The following ROBO1 variants were observed in gnomAD, a reference collection of about 807,000 sequenced individuals.
ROBO1 encodes the protein roundabout homolog 1.
In ROBO1, 149 loss-of-function variants were observed where a neutral mutation model predicts 195.9. The observed-to-expected ratio is 0.76, with a 90% CI of 0.67 to 0.87. ROBO1 has a LOEUF of 0.87. Among genes scored for constraint, ROBO1 ranks in the 40% least tolerant of loss-of-function variants. The pLI is 0.00. For synonymous variants in ROBO1, 816 were observed against 733.2 expected, an observed-to-expected ratio of 1.11 and a Z score of -1.82; for missense variants, 1,933 against 2,068.3, an observed-to-expected ratio of 0.93 and a Z score of 1.27.
chr3:78,967,967 C>T (rs2076683645), intron 3 of ROBO1, among the ~76,000 whole-genome samples: 1 of 152,140 alleles, frequency 6.6e-6, no homozygotes, highest in South Asian at 2.1e-4. Flanking sequence ...ACTTGCAAGT[C>T]ATTTTGAGAT....
chr3:78,739,198 T>A (rs944619471), intron 5 of ROBO1, among the ~76,000 whole-genome samples: 1 of 152,186 alleles, frequency 6.6e-6, no homozygotes, highest in Non-Finnish European at 1.5e-5. Flanking sequence ...AAGGTTATCA[T>A]GAAGAAAATA....
chr3:78,929,052 T>A (rs376757463), intron 4 of ROBO1, among the ~76,000 whole-genome samples: 6 of 152,224 alleles, frequency 3.9e-5, no homozygotes, highest in African/African-American at 1.4e-4. Flanking sequence ...GCTCCATAAT[T>A]TACTGGATAA....
chr3:79,190,460 A>G (rs971692352), intron 2 of ROBO1, among the ~76,000 whole-genome samples: 2 of 151,748 alleles, frequency 1.3e-5, no homozygotes, highest in Middle Eastern at 3.4e-3. Context: ...TATCTCTAAG[A>G]CTTTTTCACA....
intron 2 of ROBO1, among the ~76,000 whole-genome samples, chr3:79,526,206 G>A (rs1941426680): frequency 6.6e-6 from 1 of 152,148 alleles, no homozygotes; most frequent in Admixed American, 6.5e-5. Flanking sequence ...AAGAAATTAT[G>A]AAATGTTTAA....
At chr3:79,139,379 C>A (rs2108608006) in intron 2 of ROBO1, among the ~76,000 whole-genome samples, 1 of 152,138 alleles carries the variant, frequency 6.6e-6, no homozygotes, top group South Asian at 2.1e-4. Context: ...AATTTTAAAA[C>A]CATTTGTTTC....
intron 2 of ROBO1, among the ~76,000 whole-genome samples, chr3:79,443,856 T>C (rs1208830172): frequency 1.3e-5 from 2 of 151,402 alleles, no homozygotes; most frequent in African/African-American, 2.4e-5. Flanking sequence ...TAGAATGAGA[T>C]AGAGCACACA....
At chr3:79,073,081 C>T (rs1318645256) in intron 3 of ROBO1, among the ~76,000 whole-genome samples, 1 of 151,806 alleles carries the variant, frequency 6.6e-6, no homozygotes, top group Non-Finnish European at 1.5e-5. Context: ...GAGTTGTCGC[C>T]TAAATAAAGG....
chr3:79,122,710 T>C (rs2108565101), intron 3 of ROBO1, among the ~76,000 whole-genome samples: 1 of 152,092 alleles, frequency 6.6e-6, no homozygotes, highest in South Asian at 2.1e-4. Context: ...CAAATTAGCT[T>C]GCAGTGGAAA....
At chr3:79,758,983 G>T (rs961986740) in intron 1 of ROBO1, among the ~76,000 whole-genome samples, 1 of 152,058 alleles carries the variant, frequency 6.6e-6, no homozygotes, top group African/African-American at 2.4e-5. Context: ...ATTTATATTT[G>T]GTATAGAGAT....
chr3:79,685,831 A>C (rs1158078641), intron 1 of ROBO1, among the ~76,000 whole-genome samples: 2 of 152,176 alleles, frequency 1.3e-5, no homozygotes. Context: ...AAACTATTCC[A>C]ATCAATAGAA....
At chr3:79,107,246 G>A (rs190066441) in intron 3 of ROBO1, among the ~76,000 whole-genome samples, 71 of 151,186 alleles carry the variant, frequency 4.7e-4, no homozygotes, top group African/African-American at 1.6e-3. Flanking sequence ...TAGGTGCTAC[G>A]CAAAGAGTGT....
At chr3:79,642,798 A>C (rs1409043594) in intron 1 of ROBO1, among the ~76,000 whole-genome samples, 1 of 152,212 alleles carries the variant, frequency 6.6e-6, no homozygotes, top group Non-Finnish European at 1.5e-5. Context: ...AAACACTAAT[A>C]TGCCGAAAGA....
chr3:79,333,328 T>C (rs946537277), intron 2 of ROBO1, among the ~76,000 whole-genome samples: 4 of 152,148 alleles, frequency 2.6e-5, no homozygotes, highest in Non-Finnish European at 4.4e-5. Flanking sequence ...TTAAAACACA[T>C]GCGCAACCAT....
At chr3:78,839,436 AT>A (rs377740523) in intron 4 of ROBO1, among the ~76,000 whole-genome samples, 6,219 of 150,910 alleles carry the variant, frequency 0.041, 419 homozygotes, top group African/African-American at 0.14. Flanking sequence ...AAAAAAGAAT[AT>A]TTTTTTTCAT....
intron 2 of ROBO1, among the ~76,000 whole-genome samples, chr3:79,140,868 T>TC: frequency 6.6e-6 from 1 of 152,276 alleles, no homozygotes. Flanking sequence ...CCCCACTGAA[T>TC]CATTCAGGAA....
chr3:79,251,613 T>A (rs929625230), intron 2 of ROBO1, among the ~76,000 whole-genome samples: 2 of 152,114 alleles, frequency 1.3e-5, no homozygotes, highest in African/African-American at 2.4e-5. Context: ...TAGCTGGGCA[T>A]GGTGGCGGAC....
chr3:79,307,604 T>C (rs1055665770), intron 2 of ROBO1, among the ~76,000 whole-genome samples: 2 of 152,036 alleles, frequency 1.3e-5, no homozygotes, highest in Admixed American at 6.5e-5. Flanking sequence ...CTATGAAATA[T>C]TTATAATATA....
At chr3:79,722,479 T>TCA (rs1206988554) in intron 1 of ROBO1, among the ~76,000 whole-genome samples, 1 of 152,190 alleles carries the variant, frequency 6.6e-6, no homozygotes, top group East Asian at 1.9e-4. Flanking sequence ...CATGAAGACC[T>TCA]CACAGTTCCA....
chr3:79,291,618 G>T (rs568998272), intron 2 of ROBO1, among the ~76,000 whole-genome samples: 1 of 152,196 alleles, frequency 6.6e-6, no homozygotes, highest in East Asian at 1.9e-4. Flanking sequence ...AACAACAAGG[G>T]CTATTTCAAT....
Sources: gnomAD v4.1 joint callset for allele counts (sites outside exome capture counted in the v4.1 genomes callset) on GRCh38, gnomAD v4.1.1 for gene constraint, MANE v1.5 for transcripts, NCBI Gene and HGNC (gene_info 2026-07-23, HGNC 2026-07-21) for gene names.